TMEM273: variants seen among roughly 807,000 people sequenced by gnomAD.
TMEM273 encodes transmembrane protein 273.
Under a neutral mutation model 17.9 loss-of-function variants are expected in TMEM273, and 19 were observed. The ratio of observed to expected loss-of-function variants is 1.06; its 90% CI spans 0.74 to 1.55. The LOEUF (loss-of-function observed/expected upper bound fraction) is 1.55. Ranked by LOEUF, TMEM273 falls within the 40% of genes most tolerant of loss-of-function variation. TMEM273 has a pLI of 0.00. For missense variants in TMEM273, 194 were observed against 155.6 expected, an observed-to-expected ratio of 1.25 and a Z score of -1.31; for synonymous variants, 66 against 62.0, an observed-to-expected ratio of 1.07 and a Z score of -0.31.
At chr10:49,178,568 G>A (rs1199375977) in intron 1 of TMEM273, among the ~76,000 whole-genome samples, 5 of 152,158 alleles carry the variant, frequency 3.3e-5, no homozygotes, top group South Asian at 2.1e-4. Context: ...GGGATGGCTC[G>A]TGACAGGTCT....
At chr10:49,176,656 C>T (rs1284385233) in intron 1 of TMEM273, among the ~76,000 whole-genome samples, 4 of 152,140 alleles carry the variant, frequency 2.6e-5, no homozygotes, top group South Asian at 2.1e-4. Context: ...GGGACCTGAC[C>T]GAGGGGAGTG....
rs1444588180 is a variant in TMEM273, at chr10:49,155,029, C to T, written c.*863G>A. 6.6e-6 allele frequency: 1 copy of T among 152,164 alleles called. No individual in the cohort carries two copies. Among genetic ancestry groups the T allele is most frequent in the East Asian group, 1.9e-4 (1 of 5,204 alleles). The allele number at this position is 152,164 out of a possible 1,614,324, so 9.4% of individuals were successfully genotyped here. ...TCCCAGAAATACAGGGTTAATATTACAAGGGAGAGAAATGCTCACGGGGCC... is the reference window on the plus strand; with the variant it reads ...TCCCAGAAATACAGGGTTAATATTATAAGGGAGAGAAATGCTCACGGGGCC... On this transcript the variant is annotated 3_prime_UTR_variant, in exon 7 of 7. Coordinates refer to ENST00000374153, the MANE Select transcript of TMEM273 (RefSeq NM_001288740.3).
intron 6 of TMEM273, among the ~76,000 whole-genome samples, chr10:49,160,176 C>T (rs1285300409): frequency 2.6e-5 from 4 of 152,102 alleles, no homozygotes; most frequent in Non-Finnish European, 4.4e-5. Context: ...TGTTGGGGGT[C>T]GGGATATTCA....
At position 49,188,276 on chromosome 10, in the gene TMEM273, C is replaced by G; in HGVS notation, c.43+18G>C. ...CTGAGGCTCCCCCGGGCCAGAGACC[C>G]CCGCAGTCCCCACTTACCCAGGAGG... is the stretch of plus-strand genomic sequence containing the variant. On this transcript the variant is annotated intron_variant, in intron 1 of 6. Transcript: ENST00000374153. 1.2e-6 allele frequency: 2 copies of G among 1,613,970 alleles called. No homozygotes were observed. The highest frequency in any genetic ancestry group is 1.1e-5 in the South Asian group (1 of 91,050).
At chr10:49,183,199 G>T (rs1215340150) in intron 1 of TMEM273, among the ~76,000 whole-genome samples, 1 of 152,114 alleles carries the variant, frequency 6.6e-6, no homozygotes, top group Non-Finnish European at 1.5e-5. Flanking sequence ...ATGATAAATA[G>T]ATTATATAAA....
At chr10:49,180,906 C>A (rs934550453) in intron 1 of TMEM273, among the ~76,000 whole-genome samples, 2 of 152,162 alleles carry the variant, frequency 1.3e-5, no homozygotes, top group South Asian at 4.1e-4. Flanking sequence ...CTAGTACTAA[C>A]GTTCTTGTCA....
chr10:49,173,053 T>C (rs1244854718), intron 1 of TMEM273, among the ~76,000 whole-genome samples: 1 of 152,194 alleles, frequency 6.6e-6, no homozygotes, highest in Non-Finnish European at 1.5e-5. Context: ...AAGAATGTCT[T>C]CCAGAGCTGA....
intron 1 of TMEM273, among the ~76,000 whole-genome samples, chr10:49,169,919 G>A (rs1846443199): frequency 6.6e-6 from 1 of 152,218 alleles, no homozygotes. Context: ...CCTTTACTGG[G>A]CAGAAGGCAG....
chr10:49,167,811 G>A (rs1002020459), intron 2 of TMEM273, 98 bp downstream of exon 2: 8 of 1,492,316 alleles, frequency 5.4e-6, no homozygotes, highest in Non-Finnish European at 7.4e-6. Flanking sequence ...CTGACAGCAG[G>A]GAACCAATTC....
At chr10:49,178,984 G>A (rs182052607) in intron 1 of TMEM273, among the ~76,000 whole-genome samples, 13 of 152,284 alleles carry the variant, frequency 8.5e-5, no homozygotes, top group South Asian at 2.1e-4. Context: ...GTGACTTCTC[G>A]ATAACATGGC....
chr10:49,170,253 G>A (rs1846470746), intron 1 of TMEM273, among the ~76,000 whole-genome samples: 2 of 152,178 alleles, frequency 1.3e-5, no homozygotes, highest in Non-Finnish European at 1.5e-5. Flanking sequence ...AGAGGAGAAA[G>A]CCCTAACATC....
intron 1 of TMEM273, among the ~76,000 whole-genome samples, chr10:49,170,166 C>T (rs1483763742): frequency 1.3e-5 from 2 of 152,334 alleles, no homozygotes; most frequent in Middle Eastern, 3.4e-3. Flanking sequence ...GACATAGGTA[C>T]ACACAGAGAC....
At chr10:49,165,139 T>C (rs1846086663) in intron 5 of TMEM273, 66 bp downstream of exon 5, 1 of 1,487,958 alleles carries the variant, frequency 6.7e-7, no homozygotes, top group Non-Finnish European at 8.9e-7. Flanking sequence ...GTGCAAAGAA[T>C]TATAAAGAAA....
chr10:49,167,616 G>A (rs1031243713), intron 2 of TMEM273, among the ~76,000 whole-genome samples: 2 of 152,242 alleles, frequency 1.3e-5, no homozygotes, highest in African/African-American at 2.4e-5. Flanking sequence ...CTGTGAGCCT[G>A]GCAAAGCATG....
At chr10:49,179,480 C>T (rs532279699) in intron 1 of TMEM273, among the ~76,000 whole-genome samples, 25 of 152,294 alleles carry the variant, frequency 1.6e-4, no homozygotes, top group Non-Finnish European at 2.9e-4. Flanking sequence ...GGGTCCCTCC[C>T]CAAAGAGCAT....
intron 6 of TMEM273, chr10:49,160,571 G>T (rs991286043): frequency 2.0e-5 from 3 of 152,036 alleles, no homozygotes; most frequent in African/African-American, 4.8e-5. Flanking sequence ...ATAAAAAATA[G>T]AGCAATAAAA....
intron 1 of TMEM273, among the ~76,000 whole-genome samples, chr10:49,170,128 A>G (rs1032706638): frequency 6.6e-6 from 1 of 152,252 alleles, no homozygotes; most frequent in African/African-American, 2.4e-5. Context: ...GAGAGGAAGG[A>G]AGGACTCAGG....
At chr10:49,165,129 G>A in intron 5 of TMEM273, 76 bp downstream of exon 5, 1 of 1,473,392 alleles carries the variant, frequency 6.8e-7, no homozygotes. Flanking sequence ...GCATCAACTA[G>A]TGCAAAGAAT....
rs369852793 is a variant in TMEM273 at position 49,155,085 on chromosome 10, G to GCTTT, written c.*803_*806dup. ...CTGATGGCAATTGTAGAATGTCATG[G>GCTTT]CTTTCCTCAGCCTCCACCAGTCATG... On this transcript the variant is annotated 3_prime_UTR_variant, in exon 7 of 7. Transcript: ENST00000374153. 27 of 152,346 alleles carry GCTTT rather than the reference G, an allele frequency of 1.8e-4. No homozygotes were observed. Among genetic ancestry groups the GCTTT allele is most frequent in the African/African-American group, 6.3e-4 (26 of 41,574 alleles). The allele number at this position is 152,346 out of a possible 1,614,324, so 9.4% of individuals were successfully genotyped here.
Sources: allele counts gnomAD v4.1 joint callset (sites outside exome capture counted in the v4.1 genomes callset), GRCh38; gene constraint gnomAD v4.1.1; transcripts MANE v1.5; gene names NCBI Gene and HGNC (gene_info 2026-07-23, HGNC 2026-07-21).